Variants in RPSA2 observed in about 807,000 individuals in gnomAD.
RPSA2 encodes the protein small ribosomal subunit protein uS2B.
the RPSA2 span, among the ~76,000 whole-genome samples, chr19:23,837,006 C>T: frequency 6.6e-6 from 1 of 152,030 alleles, no homozygotes; most frequent in African/African-American, 2.4e-5. Context: ...AGCTGTTTAT[C>T]TTTGTTTTTA....
chr19:23,762,450 C>T, the RPSA2 span, among the ~76,000 whole-genome samples: 11 of 151,208 alleles, frequency 7.3e-5, no homozygotes, highest in Non-Finnish European at 1.2e-4. Flanking sequence ...CTGAGGCGGG[C>T]GGAACACCTG....
At chr19:23,843,624 G>T in the RPSA2 span, among the ~76,000 whole-genome samples, 1 of 152,176 alleles carries the variant, frequency 6.6e-6, no homozygotes, top group Admixed American at 6.5e-5. Flanking sequence ...TAGATCATTT[G>T]TTAGGTTTTC....
At chr19:23,815,983 T>A in the RPSA2 span, among the ~76,000 whole-genome samples, 2 of 106,198 alleles carry the variant, frequency 1.9e-5, no homozygotes, top group East Asian at 5.4e-4. Flanking sequence ...ACTATTTTCA[T>A]AAAATGTAGT....
the RPSA2 span, among the ~76,000 whole-genome samples, chr19:23,772,636 C>T: frequency 6.6e-6 from 1 of 152,136 alleles, no homozygotes; most frequent in Admixed American, 6.5e-5. Flanking sequence ...TCCCAGGGCA[C>T]AGCACAAAAG....
the RPSA2 span, among the ~76,000 whole-genome samples, chr19:23,791,258 C>T: frequency 6.6e-6 from 1 of 152,248 alleles, no homozygotes; most frequent in South Asian, 2.1e-4. Context: ...ATCTCGGCCC[C>T]GTAAGTGCTG....
the RPSA2 span, among the ~76,000 whole-genome samples, chr19:23,859,718 C>T: frequency 6.6e-6 from 1 of 152,172 alleles, no homozygotes; most frequent in Non-Finnish European, 1.5e-5. Flanking sequence ...AAGCTTTTGG[C>T]ATGCCCATTA....
At chr19:23,778,033 C>G in the RPSA2 span, among the ~76,000 whole-genome samples, 1 of 152,192 alleles carries the variant, frequency 6.6e-6, no homozygotes, top group Non-Finnish European at 1.5e-5. Context: ...CCCCAAAAAA[C>G]TGACATATCA....
the RPSA2 span, among the ~76,000 whole-genome samples, chr19:23,811,170 C>T: frequency 3.9e-5 from 6 of 152,008 alleles, no homozygotes; most frequent in Non-Finnish European, 7.4e-5. Context: ...AGGTGCCCGC[C>T]ACCACCCAGC....
chr19:23,788,341 C>T, the RPSA2 span, among the ~76,000 whole-genome samples: 1 of 152,140 alleles, frequency 6.6e-6, no homozygotes, highest in Non-Finnish European at 1.5e-5. Flanking sequence ...ACTTTTCTTC[C>T]TGGGTTGTCC....
the RPSA2 span, among the ~76,000 whole-genome samples, chr19:23,810,321 G>A: frequency 7.0e-5 from 10 of 142,738 alleles, no homozygotes; most frequent in Non-Finnish European, 1.0e-4. Context: ...GTGAACCTGG[G>A]AGGCAGAGCT....
the RPSA2 span, among the ~76,000 whole-genome samples, chr19:23,857,117 T>C: frequency 1.3e-5 from 2 of 152,180 alleles, no homozygotes; most frequent in South Asian, 2.1e-4. Flanking sequence ...CCCCCAGGAA[T>C]GAAATTCTTT....
the RPSA2 span, among the ~76,000 whole-genome samples, chr19:23,802,210 G>A: frequency 1.3e-5 from 2 of 152,180 alleles, no homozygotes; most frequent in African/African-American, 4.8e-5. Context: ...AATAGAATCT[G>A]ATGGCAGAAT....
At chr19:23,867,231 C>T in the RPSA2 span, among the ~76,000 whole-genome samples, 3 of 152,158 alleles carry the variant, frequency 2.0e-5, no homozygotes, top group African/African-American at 7.2e-5. Flanking sequence ...ATCCTGGCCC[C>T]TCAGACTAAT....
the RPSA2 span, among the ~76,000 whole-genome samples, chr19:23,796,915 G>T: frequency 1.2e-3 from 178 of 149,776 alleles, no homozygotes; most frequent in African/African-American, 3.9e-3. Flanking sequence ...ACTGATTTTG[G>T]TTATTTCTTG....
At chr19:23,866,963 T>C in the RPSA2 span, among the ~76,000 whole-genome samples, 1 of 152,182 alleles carries the variant, frequency 6.6e-6, no homozygotes, top group Non-Finnish European at 1.5e-5. Context: ...ATAGTTTTAA[T>C]GTCAAAAGAT....
At chr19:23,834,776 G>A in the RPSA2 span, among the ~76,000 whole-genome samples, 47 of 151,998 alleles carry the variant, frequency 3.1e-4, no homozygotes, top group Admixed American at 1.8e-3. Flanking sequence ...CTTACACAAG[G>A]GTGTAGGTAA....
the RPSA2 span, among the ~76,000 whole-genome samples, chr19:23,855,841 C>G: frequency 6.6e-6 from 1 of 152,040 alleles, no homozygotes; most frequent in African/African-American, 2.4e-5. Context: ...TGCAGAAGTA[C>G]AGGTGAATTG....
chr19:23,852,137 C>A, the RPSA2 span, among the ~76,000 whole-genome samples: 1 of 152,168 alleles, frequency 6.6e-6, no homozygotes, highest in African/African-American at 2.4e-5. Context: ...GACAACTGGG[C>A]AGTTTGGATT....
the RPSA2 span, among the ~76,000 whole-genome samples, chr19:23,858,486 A>G: frequency 6.6e-6 from 1 of 152,220 alleles, no homozygotes; most frequent in Non-Finnish European, 1.5e-5. Context: ...CCATGACATT[A>G]ACTGTTGTAG....
Sources: allele counts gnomAD v4.1 joint callset (sites outside exome capture counted in the v4.1 genomes callset), GRCh38; gene constraint gnomAD v4.1.1; transcripts MANE v1.5; gene names NCBI Gene and HGNC (gene_info 2026-07-23, HGNC 2026-07-21).